ROR1: variants seen among roughly 807,000 people sequenced by gnomAD.
ROR1 encodes the protein ROR family WNT receptor 1.
ROR1 carries 19 observed loss-of-function variants against 78.8 expected under a neutral mutation model. The ratio of observed to expected loss-of-function variants is 0.24; its 90% confidence interval spans 0.17 to 0.35. The LOEUF is 0.35. Ranked by LOEUF, ROR1 falls within the 10% of genes least tolerant of loss-of-function variation. The pLI, the probability that ROR1 is intolerant of heterozygous loss-of-function variation, is 1.00. For missense variants in ROR1, 917 were observed against 1,177.8 expected (o/e 0.78, Z 3.24); for synonymous variants, 386 against 433.6 (o/e 0.89, Z 1.36).
intron 1 of ROR1, among the ~76,000 whole-genome samples, chr1:63,920,675 T>C (rs1440637069): frequency 6.6e-6 from 1 of 152,230 alleles, no homozygotes; most frequent in Non-Finnish European, 1.5e-5. Flanking sequence ...ACTGATAATC[T>C]GTCAGCCCAC....
intron 1 of ROR1, among the ~76,000 whole-genome samples, chr1:63,955,718 G>C (rs563778061): frequency 6.6e-6 from 1 of 152,070 alleles, no homozygotes; most frequent in Non-Finnish European, 1.5e-5. Context: ...TAATAGACCT[G>C]GAATGAAACT....
intron 1 of ROR1, among the ~76,000 whole-genome samples, chr1:63,878,262 G>A (rs1569853537): frequency 6.6e-6 from 1 of 152,202 alleles, no homozygotes; most frequent in Non-Finnish European, 1.5e-5. Context: ...GCTTGTGAAT[G>A]CATTATTTCC....
rs1032777723 is a variant in ROR1 at position 64,159,224 on chromosome 1, C to T, written c.1386+32C>T. On this transcript the variant is annotated intron_variant, in intron 8 of 8. Coordinates refer to ENST00000371079, the MANE Select transcript of ROR1 (RefSeq NM_005012.4). ...TTAGCAGTACAGAGCTACATTTGTT[C>T]CGTGGGCTTCAAGTTAAAGCACCAT... 15 of 1,521,012 alleles carry T rather than the reference C, an allele frequency of 9.9e-6. No homozygotes were observed. In the Admixed American group the frequency reaches 1.7e-4, roughly 17 times the overall value. 94.2% of individuals were successfully genotyped at this position (1,521,012 alleles called of 1,614,324 possible).
chr1:63,862,391 C>CAAAAA (rs1164915396), intron 1 of ROR1, among the ~76,000 whole-genome samples: 1 of 56,802 alleles, frequency 1.8e-5, no homozygotes, highest in African/African-American at 6.2e-5. Context: ...GAGACTGTCT[C>CAAAAA]AAAAAAAAAA....
chr1:64,018,791 A>G (rs1240151984), intron 2 of ROR1, among the ~76,000 whole-genome samples: 1 of 152,184 alleles, frequency 6.6e-6, no homozygotes, highest in Non-Finnish European at 1.5e-5. Context: ...AGAGAAATGA[A>G]TGAGTGGTGA....
Position 64,140,158 on chromosome 1 carries a change from T to C in ROR1, c.660T>C (p.Ser220=). 1 of 1,614,194 alleles carries C rather than the reference T, an allele frequency of 6.2e-7. No homozygotes were observed. Among genetic ancestry groups the C allele is most frequent in the Non-Finnish European group, 8.5e-7 (1 of 1,180,024 alleles). The change falls in exon 6 of 9, where the codon TCT becomes TCC. Residue 220 remains serine (S), a synonymous_variant. Transcript: ENST00000371079. ...GTSSHLSDKC[S]QFAIPSLCHY... Reference sequence around the variant, plus strand: ...CCAGTCACTTATCTGATAAGTGTTCTCAGTTCGCCATTCCTTCCCTGTGCC... The same window carrying C: ...CCAGTCACTTATCTGATAAGTGTTCCCAGTTCGCCATTCCTTCCCTGTGCC...
intron 1 of ROR1, among the ~76,000 whole-genome samples, chr1:63,807,334 C>G (rs1184933342): frequency 6.6e-6 from 1 of 152,126 alleles, no homozygotes; most frequent in East Asian, 1.9e-4. Context: ...CTGGGGGGAG[C>G]AGCTGCTGTG....
At chr1:63,951,322 G>C (rs1249335583) in intron 1 of ROR1, among the ~76,000 whole-genome samples, 1 of 152,102 alleles carries the variant, frequency 6.6e-6, no homozygotes, top group African/African-American at 2.4e-5. Flanking sequence ...CATTGTTCCA[G>C]GCACCCTACA....
chr1:63,822,750 TA>T (rs1644930695), intron 1 of ROR1, among the ~76,000 whole-genome samples: 2 of 152,240 alleles, frequency 1.3e-5, no homozygotes, highest in African/African-American at 4.8e-5. Flanking sequence ...ATAGTTTTCT[TA>T]ATCCCTATTG....
chr1:63,888,852 T>C (rs1399704851), intron 1 of ROR1, among the ~76,000 whole-genome samples: 1 of 152,178 alleles, frequency 6.6e-6, no homozygotes, highest in Non-Finnish European at 1.5e-5. Flanking sequence ...ATATAATGCA[T>C]AAGAGACATT....
intron 1 of ROR1, among the ~76,000 whole-genome samples, chr1:63,889,392 G>A (rs78811664): frequency 0.015 from 2,352 of 152,232 alleles, 65 homozygotes; most frequent in African/African-American, 0.055. Flanking sequence ...AGAAATGCAT[G>A]CTCAGAGAGG....
chr1:64,034,675 C>T (rs1193531965), intron 2 of ROR1, among the ~76,000 whole-genome samples: 2 of 152,118 alleles, frequency 1.3e-5, no homozygotes, highest in Non-Finnish European at 2.9e-5. Flanking sequence ...CAAGAAGTGC[C>T]TTCTTCCAGG....
chr1:64,081,992 A>T (rs1382540614), intron 4 of ROR1, among the ~76,000 whole-genome samples: 1 of 152,208 alleles, frequency 6.6e-6, no homozygotes, highest in African/African-American at 2.4e-5. Context: ...TTTCCCTTTA[A>T]AAGCAGAGCA....
At chr1:63,798,185 T>C (rs1644773150) in intron 1 of ROR1, among the ~76,000 whole-genome samples, 1 of 152,210 alleles carries the variant, frequency 6.6e-6, no homozygotes, top group South Asian at 2.1e-4. Flanking sequence ...AGGAACTGGT[T>C]TAGAATCAGA....
chr1:64,145,849 T>TA (rs1168227639), intron 7 of ROR1, among the ~76,000 whole-genome samples: 3 of 152,150 alleles, frequency 2.0e-5, no homozygotes, highest in Non-Finnish European at 4.4e-5. Flanking sequence ...CTCATCCTCA[T>TA]ACTCTGACAG....
At position 63,822,343 on chromosome 1, in the gene ROR1, C is replaced by A. The variant is rs375427539; in HGVS notation, c.91+47835C>A. 9.9e-5 allele frequency among the ~76,000 whole-genome samples: 15 copies of A among 152,282 alleles called. No individual in the cohort carries two copies. The East Asian group carries it at 2.7e-3, about 27-fold the overall frequency. ...ACCTAGTTTGCTTGCATTAATTAAT[C>A]AACTAATTATTAATTAATGAATGAT... On this transcript the variant is annotated intron_variant, in intron 1 of 8. Coordinates refer to ENST00000371079, the MANE Select transcript of ROR1 (RefSeq NM_005012.4).
At chr1:63,917,427 A>T (rs1252877131) in intron 1 of ROR1, among the ~76,000 whole-genome samples, 3 of 152,068 alleles carry the variant, frequency 2.0e-5, no homozygotes, top group East Asian at 1.9e-4. Flanking sequence ...ATACTTTAAA[A>T]TTTTTTTTCT....
intron 1 of ROR1, among the ~76,000 whole-genome samples, chr1:63,839,614 C>T (rs1645037893): frequency 6.6e-6 from 1 of 151,966 alleles, no homozygotes; most frequent in Non-Finnish European, 1.5e-5. Flanking sequence ...AAGACTAGGG[C>T]TCATATTATA....
At chr1:63,890,538 G>A (rs1484719790) in intron 1 of ROR1, among the ~76,000 whole-genome samples, 1 of 151,702 alleles carries the variant, frequency 6.6e-6, no homozygotes, top group East Asian at 1.9e-4. Context: ...ACAACTCAAG[G>A]TAATCTTTGA....
Sources: allele counts gnomAD v4.1 joint callset (sites outside exome capture counted in the v4.1 genomes callset), GRCh38; gene constraint gnomAD v4.1.1; transcripts MANE v1.5; gene names NCBI Gene and HGNC (gene_info 2026-07-23, HGNC 2026-07-21).